CARS2: variants seen among roughly 807,000 people sequenced by gnomAD.
CARS2 encodes cysteinyl-tRNA synthetase 2, mitochondrial, also known as probable cysteine--tRNA ligase, mitochondrial.
In CARS2, 52 loss-of-function variants were observed where a neutral mutation model predicts 68.8. The observed-to-expected ratio is 0.76, with a 90% confidence interval of 0.61 to 0.95. The LOEUF (loss-of-function observed/expected upper bound fraction) is 0.95, where lower values mean the gene tolerates loss of function less well. Among genes scored for constraint, CARS2 ranks in the 40% least tolerant of loss-of-function variants. The pLI, the probability that CARS2 is intolerant of heterozygous loss-of-function variation, is 0.00. For missense variants in CARS2, 780 were observed against 754.2 expected (o/e 1.03, Z -0.40); for synonymous variants, 314 against 303.6 (o/e 1.03, Z -0.36).
intron 12 of CARS2, 81 bp from the exon 13 acceptor site, chr13:110,644,564 A>G (rs2139674799): frequency 6.3e-7 from 1 of 1,585,930 alleles, no homozygotes; most frequent in South Asian, 1.1e-5. Flanking sequence ...TCAAAAGACA[A>G]AGGCTTCAGC....
upstream of CARS2, among the ~76,000 whole-genome samples, chr13:110,709,709 C>A (rs1219070416): frequency 1.3e-5 from 2 of 151,908 alleles, no homozygotes; most frequent in Non-Finnish European, 2.9e-5. Context: ...TAAGTTAGTA[C>A]TTAATAAACA....
intron 8 of CARS2, chr13:110,666,143 C>A (rs530534157): frequency 6.1e-6 from 6 of 985,230 alleles, no homozygotes; most frequent in African/African-American, 1.7e-5. Context: ...TGCAGGCCCC[C>A]GGCTGTGGAA....
intron 3 of CARS2, among the ~76,000 whole-genome samples, chr13:110,692,085 T>C (rs1446276764): frequency 6.8e-6 from 1 of 146,366 alleles, no homozygotes; most frequent in Non-Finnish European, 1.5e-5. Context: ...TACATATATA[T>C]ACACACACAT....
chr13:110,665,448 A>G lies in CARS2; in HGVS notation c.919+1892T>C. On this transcript the variant is annotated intron_variant, in intron 8 of 14. Coordinates refer to ENST00000257347, the MANE Select transcript of CARS2 (RefSeq NM_024537.4). The surrounding 1 kb of genome is among the most constrained non-coding windows in gnomAD (Gnocchi z 4.3). ...GGGGACGGAGCGAAATTGTTTCAAC[A>G]ACAACAGCAAATGCTTTCCCATTCC... is the stretch of plus-strand genomic sequence containing the variant. The G allele has an allele frequency of 1.0e-6, 1 of 985,508 alleles. No individual in the cohort carries two copies. The highest frequency in any genetic ancestry group is 1.2e-6 in the Non-Finnish European group (1 of 829,966). 61.0% of individuals were successfully genotyped at this position (985,508 alleles called of 1,614,324 possible).
chr13:110,698,120 G>A (rs1167033341), intron 3 of CARS2, among the ~76,000 whole-genome samples: 4 of 152,184 alleles, frequency 2.6e-5, no homozygotes, highest in Non-Finnish European at 4.4e-5. Context: ...AGATGCATGG[G>A]TGTGACGGGA....
intron 7 of CARS2, among the ~76,000 whole-genome samples, chr13:110,673,117 A>C (rs13221178): frequency 1.3e-5 from 2 of 152,216 alleles, no homozygotes; most frequent in African/African-American, 2.4e-5. Context: ...AAGGATTCAC[A>C]GCCAAATTCT....
intron 7 of CARS2, among the ~76,000 whole-genome samples, chr13:110,671,776 G>C (rs1035934502): frequency 6.6e-6 from 1 of 152,284 alleles, no homozygotes; most frequent in African/African-American, 2.4e-5. Flanking sequence ...TGGCAAATTG[G>C]ATGAAGAGTC....
intron 2 of CARS2, among the ~76,000 whole-genome samples, chr13:110,702,949 C>T (rs2063832349): frequency 6.6e-6 from 1 of 152,140 alleles, no homozygotes; most frequent in African/African-American, 2.4e-5. Flanking sequence ...GATTCATTTG[C>T]TAAGAGTCTT....
intron 10 of CARS2, among the ~76,000 whole-genome samples, chr13:110,649,807 C>A (rs2062152314): frequency 1.3e-5 from 2 of 152,180 alleles, no homozygotes; most frequent in African/African-American, 4.8e-5. Context: ...AGGACACTGG[C>A]CCTGCTCCTG....
intron 10 of CARS2, chr13:110,650,218 C>T (rs2062169109): frequency 6.6e-6 from 1 of 152,244 alleles, no homozygotes; most frequent in Non-Finnish European, 1.5e-5. Flanking sequence ...CTGCTTCACC[C>T]TCCTGAGTAG....
chr13:110,690,143 G>A lies in CARS2; in HGVS notation c.394-2125C>T, dbSNP rs185120086. Among the ~76,000 whole-genome samples, 78 of 152,240 alleles carry A rather than the reference G, an allele frequency of 5.1e-4. No homozygotes were observed. The East Asian group carries it at 0.012, about 24-fold the overall frequency. On this transcript the variant is annotated intron_variant, in intron 3 of 14. Transcript: ENST00000257347. ...CTCAGGAGGCTGAGGCAGGAGAATC[G>A]CTTGAACCCAGGAACTGGAGGTTGC...
chr13:110,656,352 C>T (rs1405085867), intron 9 of CARS2, among the ~76,000 whole-genome samples: 1 of 152,132 alleles, frequency 6.6e-6, no homozygotes, highest in African/African-American at 2.4e-5. Context: ...GACCACCACA[C>T]TGGAAACAAA....
chr13:110,690,552 G>A (rs1438290166), intron 3 of CARS2, among the ~76,000 whole-genome samples: 1 of 152,180 alleles, frequency 6.6e-6, no homozygotes, highest in Non-Finnish European at 1.5e-5. Context: ...CTTTCAAGGT[G>A]GCCTCTACTC....
Position 110,705,764 on chromosome 13 carries a change from T to A in CARS2, c.224+106A>T. On this transcript the variant is annotated intron_variant, in intron 1 of 14. Transcript: ENST00000257347. This position sits in a 1 kb window ranked among gnomAD's most constrained non-coding sequence, Gnocchi z 4.0. Reference sequence around the variant, plus strand: ...ACCCCCAGCTTCTAGAACGGCGCCCTCCATGCAGCTTCCTAAACGCCCTCC... The same window carrying A: ...ACCCCCAGCTTCTAGAACGGCGCCCACCATGCAGCTTCCTAAACGCCCTCC... 6.5e-7 allele frequency: 1 copy of A among 1,532,758 alleles called. No homozygotes were observed. The highest frequency in any genetic ancestry group is 8.7e-7 in the Non-Finnish European group (1 of 1,143,540). 94.9% of individuals were successfully genotyped at this position (1,532,758 alleles called of 1,614,324 possible). A position where few individuals can be genotyped will look rare whatever the true frequency, so the allele number is the denominator to read the frequency against.
At chr13:110,649,936 T>TTTTTTTTTTGTTTTTTG (rs2062158001) in intron 10 of CARS2, among the ~76,000 whole-genome samples, 1 of 137,946 alleles carries the variant, frequency 7.2e-6, no homozygotes, top group Admixed American at 7.0e-5. Flanking sequence ...AACGACTTTT[T>TTTTTTTTTTGTTTTTTG]TTTTTTTTTT....
rs182298477 is a variant in CARS2, at chr13:110,650,847, G to A, written c.1054+187C>T. 656 of 536,570 alleles carry A rather than the reference G, an allele frequency of 1.2e-3. 11 individuals are homozygous for A. The East Asian group carries it at 0.021, about 17-fold the overall frequency. The allele number at this position is 536,570 out of a possible 1,614,324, so 33.2% of individuals were successfully genotyped here. ...AGGAAGCCCACATCCACTGTGGGCC[G>A]GGCCCAGACCAGCACTGGGATCCCT... is the stretch of plus-strand genomic sequence containing the variant. On this transcript the variant is annotated intron_variant, in intron 10 of 14. Coordinates refer to ENST00000257347, the MANE Select transcript of CARS2 (RefSeq NM_024537.4).
chr13:110,707,257 T>C (rs2063981660), upstream of CARS2: 1 of 151,330 alleles, frequency 6.6e-6, no homozygotes, highest in Admixed American at 6.6e-5. Flanking sequence ...ACACACACCA[T>C]GTCTGCACTC....
chr13:110,682,025 A>G (rs1028834168), intron 6 of CARS2, among the ~76,000 whole-genome samples: 5 of 152,076 alleles, frequency 3.3e-5, no homozygotes, highest in African/African-American at 1.2e-4. Context: ...ACCCAAACCC[A>G]GAGCACACAG....
At chr13:110,662,947 G>A (rs919744530) in intron 9 of CARS2, 1 of 455,010 alleles carries the variant, frequency 2.2e-6, no homozygotes, top group South Asian at 1.6e-5. Context: ...AGCCCTCCGT[G>A]GGTGTGCCTG....
Sources: allele counts gnomAD v4.1 joint callset (sites outside exome capture counted in the v4.1 genomes callset), GRCh38; gene constraint gnomAD v4.1.1; non-coding constraint Gnocchi (gnomAD v3.1); transcripts MANE v1.5; gene names NCBI Gene and HGNC (gene_info 2026-07-23, HGNC 2026-07-21).